POLR2B: variants seen among roughly 807,000 people sequenced by gnomAD.
The protein encoded by POLR2B is RNA polymerase II subunit B.
Under a neutral mutation model 144.6 loss-of-function variants are expected in POLR2B, and 57 were observed. The observed-to-expected ratio is 0.39, with a 90% confidence interval of 0.32 to 0.49. POLR2B has a LOEUF of 0.49. POLR2B is among the 20% of genes least tolerant of loss of function. POLR2B has a pLI of 0.83. For synonymous variants in POLR2B, 442 were observed against 469.8 expected (o/e 0.94, Z 0.77); for missense variants, 595 against 1,467.4 (o/e 0.41, Z 9.71).
At chr4:56,998,198 T>C (rs1301063362) in intron 6 of POLR2B, among the ~76,000 whole-genome samples, 1 of 152,078 alleles carries the variant, frequency 6.6e-6, no homozygotes, top group Non-Finnish European at 1.5e-5. Flanking sequence ...GGAGTGCATG[T>C]TGTAGACATT....
rs1430416458 is a variant in POLR2B at position 56,994,733 on chromosome 4, T to C, written c.443T>C (p.Phe148Ser). Residue 148 changes from phenylalanine to serine, a missense_variant, in exon 5 of 25, where the codon TTT (phenylalanine) becomes TCT (serine). Transcript: ENST00000314595. ...CTTCAGACTCAGCATCAGAAAACTT[T>C]TATAGGAAAAATTCCAATTATGTTG... is the stretch of plus-strand genomic sequence containing the variant. The part of the protein sequence containing the change: ...EQLQTQHQKT[F>S]IGKIPIMLRS... 6.2e-7 allele frequency: 1 copy of C among 1,613,690 alleles called. No homozygotes were observed. Among genetic ancestry groups the C allele is most frequent in the Admixed American group, 1.7e-5 (1 of 60,016 alleles).
intron 7 of POLR2B, 40 bp from the exon 8 acceptor site, chr4:57,005,206 C>T: frequency 8.1e-7 from 1 of 1,237,804 alleles, no homozygotes; most frequent in African/African-American, 1.6e-5. Flanking sequence ...AAGGTAGCAA[C>T]ATGAATTTGA....
chr4:57,002,165 C>T (rs1233832304), intron 7 of POLR2B, among the ~76,000 whole-genome samples: 1 of 152,082 alleles, frequency 6.6e-6, no homozygotes, highest in Admixed American at 6.6e-5. Flanking sequence ...GTAGCTGGGA[C>T]CACAGGTGTG....
At position 57,023,142 on chromosome 4, in the gene POLR2B, C is replaced by CT. The variant is rs574350972; in HGVS notation, c.2516-178dup. ...TTCCAATGTTCTTTTCCTTCATAGA[C>CT]TTTTTTTTTTGTTTTCTGTGTGGGC... On this transcript the variant is annotated intron_variant, in intron 18 of 24. Transcript: ENST00000314595. The surrounding 1 kb of genome is among the most constrained non-coding windows in gnomAD (Gnocchi z 4.3). 4,320 of 442,124 alleles carry CT rather than the reference C, an allele frequency of 9.8e-3. 3 individuals are homozygous for CT. The highest frequency in any genetic ancestry group is 0.026 in the South Asian group (757 of 29,412). The allele number at this position is 442,124 out of a possible 1,614,324, so 27.4% of individuals were successfully genotyped here.
intron 11 of POLR2B, 116 bp downstream of exon 11, chr4:57,010,620 T>A: frequency 7.4e-7 from 1 of 1,351,798 alleles, no homozygotes; most frequent in Non-Finnish European, 1.0e-6. Flanking sequence ...GAAATAAGTT[T>A]TTTTTATAAT....
At chr4:56,995,529 T>C in intron 6 of POLR2B, 120 bp downstream of exon 6, 1 of 610,428 alleles carries the variant, frequency 1.6e-6, no homozygotes, top group Non-Finnish European at 2.8e-6. Flanking sequence ...ATATATCGTA[T>C]TGTTTACCTA....
At chr4:57,011,359 C>T (rs188989621) in intron 13 of POLR2B, among the ~76,000 whole-genome samples, 4 of 152,228 alleles carry the variant, frequency 2.6e-5, no homozygotes, top group African/African-American at 9.6e-5. Flanking sequence ...GAAACCCCAT[C>T]TCTACTAAAA....
Position 57,023,687 on chromosome 4 carries a change from T to C in POLR2B, c.2792T>C (p.Ile931Thr). Residue 931 changes from isoleucine (I) to threonine (T), a missense_variant, in exon 20 of 25, where the codon ATT becomes ACT. Physicochemically the swap from Ile to Thr is moderately conservative, Grantham distance 89 (BLOSUM62 -1). This residue lies in a region of POLR2B where 65 missense variants were observed against 282.8 expected (regional missense o/e 0.23). Transcript: ENST00000314595. The surrounding 1 kb of genome is among the most constrained non-coding windows in gnomAD (Gnocchi z 4.3). ...IRVRSVRIPQ[I>T]GDKFASRHGQ... ...GTACGCTCTGTTAGGATTCCACAGA[T>C]TGGAGACAAATTTGCTAGTCGACAT... is the stretch of plus-strand genomic sequence containing the variant. 6.2e-7 allele frequency: 1 copy of C among 1,613,330 alleles called. No homozygotes were observed. Among genetic ancestry groups the C allele is most frequent in the Non-Finnish European group, 8.5e-7 (1 of 1,179,374 alleles).
Position 56,994,735 on chromosome 4 carries a change from A to G in POLR2B, c.445A>G (p.Ile149Val), listed in dbSNP as rs1349430563. The G allele has an allele frequency of 7.4e-6, 12 of 1,613,476 alleles. No homozygotes were observed. Among genetic ancestry groups the G allele is most frequent in the African/African-American group, 1.3e-5 (1 of 74,924 alleles). Reference protein sequence around the residue: ...QLQTQHQKTFIGKIPIMLRST... With the variant: ...QLQTQHQKTFVGKIPIMLRST... ...TCAGACTCAGCATCAGAAAACTTTT[A>G]TAGGAAAAATTCCAATTATGTTGCG... Residue 149 changes from isoleucine (I) to valine (V), a missense_variant, in exon 5 of 25, where the codon ATA becomes GTA. Physicochemically the swap from Ile to Val is conservative, Grantham distance 29 (BLOSUM62 3). Coordinates refer to ENST00000314595, the MANE Select transcript of POLR2B (RefSeq NM_000938.3).
intron 16 of POLR2B, among the ~76,000 whole-genome samples, chr4:57,020,610 T>C (rs1723511662): frequency 1.3e-5 from 2 of 152,132 alleles, no homozygotes; most frequent in African/African-American, 4.8e-5. Context: ...GAAACTTGGT[T>C]TGGGGAGGCA....
intron 3 of POLR2B, among the ~76,000 whole-genome samples, chr4:56,991,979 T>C (rs571839289): frequency 6.6e-6 from 1 of 152,258 alleles, no homozygotes; most frequent in Admixed American, 6.5e-5. Context: ...TTTTTCTTCA[T>C]GGTCTTTGTA....
At position 57,010,878 on chromosome 4, in the gene POLR2B, C is replaced by T. The variant is rs1275683840; in HGVS notation, c.1679C>T (p.Ala560Val). 2 of 1,608,942 alleles carry T rather than the reference C, an allele frequency of 1.2e-6. No homozygotes were observed. Among genetic ancestry groups the T allele is most frequent in the African/African-American group, 1.3e-5 (1 of 74,816 alleles). ...MENLEEISPA[A>V]IADATKIFVN... ...AATTTAGAAGAAATTTCTCCTGCAG[C>T]TATTGCTGAGTGTGTATAGATGGAA... is the stretch of plus-strand genomic sequence containing the variant. Residue 560 changes from alanine to valine, a missense_variant, in exon 12 of 25, where the codon GCT becomes GTT. Physicochemically the swap from Ala to Val is moderately conservative, Grantham distance 64. Transcript: ENST00000314595.
At chr4:57,019,531 T>C (rs905425407) in intron 16 of POLR2B, among the ~76,000 whole-genome samples, 9 of 152,150 alleles carry the variant, frequency 5.9e-5, no homozygotes, top group Admixed American at 1.3e-4. Flanking sequence ...AAAAAACTTT[T>C]AACATTTTAC....
intron 5 of POLR2B, 118 bp downstream of exon 5, chr4:56,994,984 C>A: frequency 1.4e-6 from 1 of 705,172 alleles, no homozygotes; most frequent in Non-Finnish European, 2.3e-6. Flanking sequence ...CTGGCACTGA[C>A]AGTTGACTTG....
At chr4:56,988,340 C>T (rs1274151605) in intron 2 of POLR2B, among the ~76,000 whole-genome samples, 1 of 151,952 alleles carries the variant, frequency 6.6e-6, no homozygotes, top group Non-Finnish European at 1.5e-5. Flanking sequence ...GGGGAAAGGG[C>T]CCCTGGCCAC....
In POLR2B at chr4:57,010,916, A is replaced by C. The variant is rs527591841; in HGVS notation, c.1688+29A>C. ...TGTATAGATGGAATTAGTTTTTTAAACTATAGTTAATCTTTAGTTGTTGCT... is the reference window on the plus strand; with the variant it reads ...TGTATAGATGGAATTAGTTTTTTAACCTATAGTTAATCTTTAGTTGTTGCT... On this transcript the variant is annotated intron_variant, in intron 12 of 24. Transcript: ENST00000314595. 3.1e-6 allele frequency: 5 copies of C among 1,600,538 alleles called. No homozygotes were observed. In the South Asian group the frequency reaches 5.5e-5, roughly 18 times the overall value.
intron 1 of POLR2B, among the ~76,000 whole-genome samples, chr4:56,984,299 C>T (rs1722249720): frequency 6.6e-6 from 1 of 151,688 alleles, no homozygotes; most frequent in Admixed American, 6.6e-5. Flanking sequence ...CATTTTTCTC[C>T]CACCCATTTG....
At chr4:57,028,542 A>G (rs1723796454) in intron 23 of POLR2B, among the ~76,000 whole-genome samples, 1 of 152,202 alleles carries the variant, frequency 6.6e-6, no homozygotes, top group African/African-American at 2.4e-5. Context: ...GACATTTTTA[A>G]GTAAAACTGG....
chr4:57,007,760 A>G (rs937306339), intron 10 of POLR2B, among the ~76,000 whole-genome samples: 11 of 152,222 alleles, frequency 7.2e-5, no homozygotes, highest in Non-Finnish European at 1.6e-4. Context: ...AAAGCTTTTT[A>G]AAGAGTGTAT....
Sources: gnomAD v4.1 joint callset for allele counts (sites outside exome capture counted in the v4.1 genomes callset) on GRCh38, gnomAD v4.1.1 for gene constraint, gnomAD v4.1.1 regional missense constraint, Gnocchi (gnomAD v3.1) non-coding constraint, MANE v1.5 for transcripts, NCBI Gene and HGNC (gene_info 2026-07-23, HGNC 2026-07-21) for gene names.